LINC00632: variants seen among roughly 807,000 people sequenced by gnomAD.
The protein encoded by LINC00632 is ALDOA related specific transcript.
At chrX:140,742,430 C>T (rs1313509488) in intron 3 of LINC00632, among the ~76,000 whole-genome samples, 1 of 111,328 alleles carries the variant, frequency 9.0e-6, no homozygotes, top group African/African-American at 3.3e-5. Flanking sequence ...TATTAATTCA[C>T]GGTTAATTTG....
chrX:140,780,518 T>C lies in LINC00632; in HGVS notation n.8537T>C, dbSNP rs139630029. 9.2e-3 allele frequency among the ~76,000 whole-genome samples: 1,032 copies of C among 111,877 alleles called. 8 individuals carry two copies. The highest frequency in any genetic ancestry group is 0.031 in the African/African-American group (949 of 30,779). The stretch of plus-strand genomic sequence containing the variant: ...AGGTAATCTCAGTTTTGGACATGGA[T>C]GAGTTCTTATTCTCTAGAAAATAAT... On this transcript the variant is annotated non_coding_transcript_exon_variant, in exon 5 of 5. Coordinates refer to ENST00000648200, the Ensembl canonical transcript of LINC00632.
intron 3 of LINC00632, among the ~76,000 whole-genome samples, chrX:140,741,154 T>A (rs1931219517): frequency 8.9e-6 from 1 of 112,211 alleles, no homozygotes; most frequent in Admixed American, 9.5e-5. Flanking sequence ...CAAATTGAAA[T>A]TCCAGTGAAA....
At chrX:140,716,600 G>A (rs1930633652) in intron 2 of LINC00632, among the ~76,000 whole-genome samples, 1 of 110,105 alleles carries the variant, frequency 9.1e-6, no homozygotes, top group South Asian at 4.0e-4. Flanking sequence ...CCCCGCCATA[G>A]TACCCACATA....
Position 140,739,936 on chromosome X carries a change from C to A in LINC00632, n.191+5972C>A, listed in dbSNP as rs1433479858. 2.7e-5 allele frequency among the ~76,000 whole-genome samples: 3 copies of A among 112,199 alleles called. 1 individual carries two copies. The highest frequency in any genetic ancestry group is 9.7e-5 in the African/African-American group (3 of 30,895). On this transcript the variant is annotated intron_variant and non_coding_transcript_variant, in intron 3 of 4. Coordinates refer to ENST00000648200, the Ensembl canonical transcript of LINC00632. ...GGAAGACATTGGCCTAATGAAAACA[C>A]CTTTTCTATATATTATCGTATTTAC...
Position 140,772,797 on chromosome X carries a change from AG to A in LINC00632, n.913del, listed in dbSNP as rs1931821973. Reference sequence around the variant, plus strand: ...GCACTTGTGGCTTCTAAAACAGAGAAGGTTGAATAGGTCTCTTTCTGTGTGT... The same window carrying A: ...GCACTTGTGGCTTCTAAAACAGAGAAGTTGAATAGGTCTCTTTCTGTGTGT... On this transcript the variant is annotated non_coding_transcript_exon_variant, in exon 4 of 5. Coordinates refer to ENST00000648200, the Ensembl canonical transcript of LINC00632. 4 of 113,636 alleles carry A rather than the reference AG, an allele frequency of 3.5e-5. No individual in the cohort carries two copies. In the South Asian group the frequency reaches 1.5e-3, roughly 43 times the overall value. The allele number at this position is 113,636 out of a possible 1,213,427, so 9.4% of individuals were successfully genotyped here.
At chrX:140,759,264 A>T (rs1350946735) in intron 3 of LINC00632, among the ~76,000 whole-genome samples, 3 of 105,147 alleles carry the variant, frequency 2.9e-5, no homozygotes, top group Non-Finnish European at 5.8e-5. Context: ...ATGAGCCATC[A>T]CCCCAGGCCT....
At chrX:140,790,358 C>CT (rs982164710) in exon 5 of LINC00632, among the ~76,000 whole-genome samples, 1 of 110,861 alleles carries the variant, frequency 9.0e-6, no homozygotes, top group African/African-American at 3.3e-5. Flanking sequence ...TTGGAATTCT[C>CT]TTTTTATCAT....
chrX:140,750,821 T>C (rs1273678788), intron 3 of LINC00632, among the ~76,000 whole-genome samples: 1 of 111,314 alleles, frequency 9.0e-6, no homozygotes, highest in Admixed American at 9.6e-5. Flanking sequence ...ATCATTCTTA[T>C]GCCTTTGCAT....
chrX:140,759,340 CCTTCCTTTCTTTCTTT>C (rs1569354263), intron 3 of LINC00632, among the ~76,000 whole-genome samples: 20 of 34,235 alleles, frequency 5.8e-4, no homozygotes, highest in African/African-American at 1.8e-3. Context: ...TTCCTTCCTT[CCTTCCTTTCTTTCTTT>C]CTTTCTTTCT....
At chrX:140,750,586 A>G (rs974311672) in intron 3 of LINC00632, among the ~76,000 whole-genome samples, 4 of 111,342 alleles carry the variant, frequency 3.6e-5, no homozygotes, top group African/African-American at 1.3e-4. Context: ...TCAACTAAAA[A>G]TAAGTTAATT....
chrX:140,729,078 A>G (rs1408750198), intron 2 of LINC00632, among the ~76,000 whole-genome samples: 2 of 111,086 alleles, frequency 1.8e-5, no homozygotes, highest in Non-Finnish European at 3.8e-5. Context: ...AGTTCAAGAC[A>G]TGCTTAATTA....
At chrX:140,780,480 G>A (rs756418184) in exon 5 of LINC00632, among the ~76,000 whole-genome samples, 1 of 111,841 alleles carries the variant, frequency 8.9e-6, no homozygotes, top group Non-Finnish European at 1.9e-5. Context: ...ACATTTATTT[G>A]TGTAGTGACT....
intron 2 of LINC00632, among the ~76,000 whole-genome samples, chrX:140,730,533 C>T (rs1370241892): frequency 9.1e-6 from 1 of 109,799 alleles, no homozygotes; most frequent in Non-Finnish European, 1.9e-5. Context: ...AGCCCCAGAA[C>T]ACTCAGGCTT....
chrX:140,713,176 ATTT>A (rs11332099), intron 2 of LINC00632, among the ~76,000 whole-genome samples: 1 of 102,542 alleles, frequency 9.8e-6, no homozygotes, highest in Non-Finnish European at 2.0e-5. Flanking sequence ...TATATGGAGC[ATTT>A]TTTTTTTTTT....
intron 2 of LINC00632, among the ~76,000 whole-genome samples, chrX:140,721,059 C>G (rs1930721098): frequency 9.0e-6 from 1 of 111,424 alleles, no homozygotes; most frequent in South Asian, 3.8e-4. Context: ...CAGACTTGAC[C>G]TGCAATAGTC....
At chrX:140,775,751 G>GAA (rs375734659) in exon 5 of LINC00632, among the ~76,000 whole-genome samples, 7 of 108,047 alleles carry the variant, frequency 6.5e-5, no homozygotes, top group African/African-American at 2.4e-4. Context: ...GTACAGTAAT[G>GAA]AAAAAAAAAT....
At chrX:140,757,219 C>T (rs910360879) in intron 3 of LINC00632, among the ~76,000 whole-genome samples, 9 of 111,333 alleles carry the variant, frequency 8.1e-5, no homozygotes, top group Non-Finnish European at 1.5e-4. Flanking sequence ...TTTCTGTCAG[C>T]AGGTTATTAC....
At chrX:140,786,411 T>A (rs1332324561) in exon 5 of LINC00632, among the ~76,000 whole-genome samples, 1 of 111,530 alleles carries the variant, frequency 9.0e-6, no homozygotes, top group Non-Finnish European at 1.9e-5. Flanking sequence ...AGGAAAGCAT[T>A]CCTAAAGAAG....
At chrX:140,719,085 G>A (rs1428152524) in intron 2 of LINC00632, among the ~76,000 whole-genome samples, 1 of 111,917 alleles carries the variant, frequency 8.9e-6, no homozygotes, top group Non-Finnish European at 1.9e-5. Flanking sequence ...CATTATCCCC[G>A]TGACATAAAT....
Sources: gnomAD v4.1 joint callset for allele counts (sites outside exome capture counted in the v4.1 genomes callset) on GRCh38, gnomAD v4.1.1 for gene constraint, MANE v1.5 for transcripts, NCBI Gene and HGNC (gene_info 2026-07-23, HGNC 2026-07-21) for gene names.